DENND1A: variants seen among roughly 807,000 people sequenced by gnomAD.
DENND1A encodes DENN domain containing 1A, also known as DENN domain-containing protein 1A.
A neutral mutation model predicts 113.7 loss-of-function variants in DENND1A; 51 were observed. The observed-to-expected ratio is 0.45, with a 90% CI of 0.36 to 0.57. The LOEUF is 0.57. DENND1A is among the 20% of genes least tolerant of loss of function. The pLI is 0.00. For missense variants in DENND1A, 1,258 were observed against 1,395.9 expected, an observed-to-expected ratio of 0.90 and a Z score of 1.57; for synonymous variants, 565 against 570.8, an observed-to-expected ratio of 0.99 and a Z score of 0.14.
At chr9:123,653,954 C>A (rs1442712642) in intron 8 of DENND1A, among the ~76,000 whole-genome samples, 1 of 151,810 alleles carries the variant, frequency 6.6e-6, no homozygotes, top group African/African-American at 2.4e-5. Flanking sequence ...AAAGGTCACC[C>A]AGCTAGAAAG....
intron 13 of DENND1A, among the ~76,000 whole-genome samples, chr9:123,472,040 C>G (rs1247363751): frequency 6.6e-6 from 1 of 152,194 alleles, no homozygotes. Flanking sequence ...AAACTACCTA[C>G]TTCCTATTGT....
In DENND1A at chr9:123,664,151, A is replaced by G. The variant is rs974084946; in HGVS notation, c.507+2875T>C. On this transcript the variant is annotated intron_variant, in intron 8 of 23. Transcript: ENST00000394215. The stretch of plus-strand genomic sequence containing the variant: ...GCTGTTGTGTGATACACATACATAC[A>G]TACCTTTCCTATGATTTGGTACTGT... Among the ~76,000 whole-genome samples the G allele has an allele frequency of 1.3e-5, 2 of 152,354 alleles. 1 individual carries two copies. Among genetic ancestry groups the G allele is most frequent in the South Asian group, 4.1e-4 (2 of 4,826 alleles).
At chr9:123,857,826 G>A (rs973028143) in intron 2 of DENND1A, among the ~76,000 whole-genome samples, 6 of 152,096 alleles carry the variant, frequency 3.9e-5, no homozygotes, top group Admixed American at 3.9e-4. Context: ...TCGGGAGGCC[G>A]AGGCGGGTGG....
chr9:123,828,142 C>A (rs899796685), intron 2 of DENND1A, among the ~76,000 whole-genome samples: 8 of 150,736 alleles, frequency 5.3e-5, no homozygotes, highest in Non-Finnish European at 1.2e-4. Flanking sequence ...GAAAGAAAGA[C>A]GTGGAAGGGA....
At chr9:123,886,586 C>T (rs1024277043) in intron 1 of DENND1A, among the ~76,000 whole-genome samples, 3 of 152,162 alleles carry the variant, frequency 2.0e-5, no homozygotes, top group Non-Finnish European at 2.9e-5. Flanking sequence ...CACTTCAGAA[C>T]GCACTAGCAA....
intron 1 of DENND1A, among the ~76,000 whole-genome samples, chr9:123,903,964 A>G (rs990071560): frequency 1.3e-5 from 2 of 152,122 alleles, no homozygotes; most frequent in Admixed American, 6.5e-5. Context: ...GCAGACTTAA[A>G]TGTCCCTGTC....
At chr9:123,651,532 T>C (rs959182089) in intron 9 of DENND1A, among the ~76,000 whole-genome samples, 1 of 152,266 alleles carries the variant, frequency 6.6e-6, no homozygotes, top group African/African-American at 2.4e-5. Flanking sequence ...TGGCAGTCCC[T>C]AAGTCATAGC....
At chr9:123,593,563 G>C (rs1370259584) in intron 11 of DENND1A, among the ~76,000 whole-genome samples, 1 of 152,106 alleles carries the variant, frequency 6.6e-6, no homozygotes, top group Non-Finnish European at 1.5e-5. Flanking sequence ...CTAAGTCTAA[G>C]TTGATCCCTC....
chr9:123,466,292 TGCC>T (rs1432602736), intron 13 of DENND1A, among the ~76,000 whole-genome samples: 1 of 152,040 alleles, frequency 6.6e-6, no homozygotes, highest in African/African-American at 2.4e-5. Context: ...CCACCGTGCC[TGCC>T]TTTTTATTTA....
intron 11 of DENND1A, among the ~76,000 whole-genome samples, chr9:123,598,423 GA>G (rs1357806811): frequency 3.6e-5 from 3 of 84,472 alleles, no homozygotes; most frequent in East Asian, 3.6e-4. Flanking sequence ...GGGGAGGGGG[GA>G]AAATCACCTT....
At chr9:123,698,660 C>T (rs1020610005) in intron 5 of DENND1A, among the ~76,000 whole-genome samples, 13 of 152,228 alleles carry the variant, frequency 8.5e-5, no homozygotes, top group Admixed American at 2.6e-4. Flanking sequence ...GTCAGCTCTA[C>T]GGATCCCTTA....
At chr9:123,620,457 G>A (rs1051496073) in intron 10 of DENND1A, among the ~76,000 whole-genome samples, 1 of 152,004 alleles carries the variant, frequency 6.6e-6, no homozygotes, top group African/African-American at 2.4e-5. Context: ...CAATGACTTA[G>A]CAAAAGACAC....
intron 19 of DENND1A, among the ~76,000 whole-genome samples, chr9:123,416,546 G>A (rs1189422932): frequency 5.3e-5 from 8 of 152,204 alleles, no homozygotes; most frequent in African/African-American, 1.2e-4. Flanking sequence ...TCCCCTGGCC[G>A]GGTTGAAATG....
chr9:123,915,432 G>C (rs949039976), intron 1 of DENND1A, among the ~76,000 whole-genome samples: 1 of 152,058 alleles, frequency 6.6e-6, no homozygotes, highest in Non-Finnish European at 1.5e-5. Context: ...TAATGTTAAA[G>C]CATAACTTTG....
intron 13 of DENND1A, among the ~76,000 whole-genome samples, chr9:123,504,287 C>T (rs1408428953): frequency 6.6e-6 from 1 of 152,202 alleles, no homozygotes; most frequent in East Asian, 1.9e-4. Context: ...TCTCACCTAC[C>T]CTACCCTGTT....
At chr9:123,823,945 A>G (rs919522122) in intron 2 of DENND1A, among the ~76,000 whole-genome samples, 7 of 152,222 alleles carry the variant, frequency 4.6e-5, no homozygotes, top group Non-Finnish European at 1.0e-4. Context: ...TCAATTTGAG[A>G]TGTCTATGAG....
At chr9:123,394,968 G>A (rs1458010498) in intron 21 of DENND1A, among the ~76,000 whole-genome samples, 1 of 152,238 alleles carries the variant, frequency 6.6e-6, no homozygotes, top group Admixed American at 6.5e-5. Flanking sequence ...CTGAGGGTAC[G>A]TCATTCCACT....
At chr9:123,596,428 G>A (rs189725415) in intron 11 of DENND1A, among the ~76,000 whole-genome samples, 1 of 152,296 alleles carries the variant, frequency 6.6e-6, no homozygotes, top group Non-Finnish European at 1.5e-5. Flanking sequence ...ATTTTAGAAT[G>A]TATTATTTTA....
intron 1 of DENND1A, among the ~76,000 whole-genome samples, chr9:123,910,872 G>C (rs1853830066): frequency 6.6e-6 from 1 of 152,208 alleles, no homozygotes; most frequent in Non-Finnish European, 1.5e-5. Context: ...GAACCTGGGA[G>C]GCAGAGGTTG....
Sources: gnomAD v4.1 joint callset for allele counts (sites outside exome capture counted in the v4.1 genomes callset) on GRCh38, gnomAD v4.1.1 for gene constraint, MANE v1.5 for transcripts, NCBI Gene and HGNC (gene_info 2026-07-23, HGNC 2026-07-21) for gene names.